TCF7L1: variants seen among roughly 807,000 people sequenced by gnomAD.
The protein encoded by TCF7L1 is transcription factor 7-like 1.
TCF7L1 carries 18 observed loss-of-function variants against 63.7 expected under a neutral mutation model. The ratio of observed to expected loss-of-function variants is 0.28; its 90% CI spans 0.20 to 0.42. The LOEUF (loss-of-function observed/expected upper bound fraction) is 0.42. Ranked by LOEUF, TCF7L1 falls within the 10% of genes least tolerant of loss-of-function variation. The pLI, the probability that TCF7L1 is intolerant of heterozygous loss-of-function variation, is 1.00. For synonymous variants in TCF7L1, 355 were observed against 340.9 expected, an observed-to-expected ratio of 1.04 and a Z score of -0.46; for missense variants, 654 against 779.3, an observed-to-expected ratio of 0.84 and a Z score of 1.91.
rs562471904 is a variant in TCF7L1, at chr2:85,136,960, T to C, written c.441+2510T>C. Among the ~76,000 whole-genome samples, 5 of 152,180 alleles carry C rather than the reference T, an allele frequency of 3.3e-5. No homozygotes were observed. In the South Asian group the frequency reaches 8.3e-4, roughly 25 times the overall value. On this transcript the variant is annotated intron_variant, in intron 3 of 11. Transcript: ENST00000282111. ...GTTTCCCAGCCTGGTAAAATGAATGTGGATAGATACGAGTGGGGAGGGAGG... is the reference window on the plus strand; with the variant it reads ...GTTTCCCAGCCTGGTAAAATGAATGCGGATAGATACGAGTGGGGAGGGAGG...
chr2:85,226,765 G>A (rs1409575654), intron 3 of TCF7L1, among the ~76,000 whole-genome samples: 3 of 150,922 alleles, frequency 2.0e-5, no homozygotes, highest in Non-Finnish European at 2.9e-5. Context: ...CTGGATCACT[G>A]CAGTAGTGCC....
intron 3 of TCF7L1, among the ~76,000 whole-genome samples, chr2:85,142,510 A>AC (rs1677769069): frequency 1.3e-5 from 2 of 150,632 alleles, no homozygotes; most frequent in Admixed American, 1.3e-4. Context: ...ACACACACAC[A>AC]ACACAGACAC....
intron 3 of TCF7L1, among the ~76,000 whole-genome samples, chr2:85,187,653 G>T (rs1485769880): frequency 6.6e-6 from 1 of 152,154 alleles, no homozygotes; most frequent in Admixed American, 6.5e-5. Context: ...TGGGCAATTT[G>T]TGTTCTCTAT....
chr2:85,273,499 A>C (rs904776958), intron 3 of TCF7L1, among the ~76,000 whole-genome samples: 1 of 152,206 alleles, frequency 6.6e-6, no homozygotes, highest in African/African-American at 2.4e-5. Context: ...GCAAAGTTTA[A>C]ACAGTTTGAT....
chr2:85,244,307 G>C (rs1248581868), intron 3 of TCF7L1, among the ~76,000 whole-genome samples: 1 of 152,198 alleles, frequency 6.6e-6, no homozygotes, highest in Admixed American at 6.5e-5. Context: ...AAGGTGACGT[G>C]ATCCAACCTT....
At position 85,292,133 on chromosome 2, in the gene TCF7L1, G is replaced by A. The variant is rs1183723656; in HGVS notation, c.525+8555G>A. Among the ~76,000 whole-genome samples the A allele has an allele frequency of 7.0e-5, 3 of 43,134 alleles. 1 individual carries two copies. The highest frequency in any genetic ancestry group is 9.7e-5 in the Non-Finnish European group (3 of 30,902). 28.3% of individuals were successfully genotyped at this position (43,134 alleles called of 152,430 possible). The stretch of plus-strand genomic sequence containing the variant: ...CCTCCCGGGTTCACGCCATTCTCCC[G>A]CCTCAGCCTCCCAAGTAGCTGGGAC... On this transcript the variant is annotated intron_variant, in intron 4 of 11. Transcript: ENST00000282111.
At chr2:85,288,041 A>C (rs1035112282) in intron 4 of TCF7L1, among the ~76,000 whole-genome samples, 1 of 152,190 alleles carries the variant, frequency 6.6e-6, no homozygotes, top group Non-Finnish European at 1.5e-5. Flanking sequence ...ATAAGTCCTC[A>C]ATAACTATTA....
At chr2:85,241,452 T>TTTG (rs1680328350) in intron 3 of TCF7L1, among the ~76,000 whole-genome samples, 1 of 143,292 alleles carries the variant, frequency 7.0e-6, no homozygotes, top group African/African-American at 2.6e-5. Flanking sequence ...TTTTTTTTTT[T>TTTG]TTTTTTTTTT....
intron 3 of TCF7L1, among the ~76,000 whole-genome samples, chr2:85,192,490 C>A (rs756143830): frequency 1.3e-5 from 2 of 152,038 alleles, no homozygotes; most frequent in Non-Finnish European, 2.9e-5. Context: ...CGGATTCAAG[C>A]GATTCTCATG....
intron 3 of TCF7L1, among the ~76,000 whole-genome samples, chr2:85,201,641 G>T (rs891775000): frequency 6.6e-6 from 1 of 152,112 alleles, no homozygotes. Flanking sequence ...GCTGGGTTGC[G>T]TGGTCACTTT....
chr2:85,176,260 C>T (rs1678675397), intron 3 of TCF7L1, among the ~76,000 whole-genome samples: 1 of 152,192 alleles, frequency 6.6e-6, no homozygotes, highest in Non-Finnish European at 1.5e-5. Flanking sequence ...GGCTTCAGTC[C>T]TCCGCTGACT....
intron 3 of TCF7L1, among the ~76,000 whole-genome samples, chr2:85,164,174 G>C (rs958207295): frequency 6.6e-6 from 1 of 152,126 alleles, no homozygotes; most frequent in East Asian, 1.9e-4. Flanking sequence ...GGAGCCCAGG[G>C]CTGGTTGCCT....
At chr2:85,200,991 G>A (rs1244482304) in intron 3 of TCF7L1, among the ~76,000 whole-genome samples, 2 of 152,056 alleles carry the variant, frequency 1.3e-5, no homozygotes, top group Admixed American at 6.6e-5. Context: ...ACCTGAGGTC[G>A]GGAGTTCAAG....
intron 3 of TCF7L1, among the ~76,000 whole-genome samples, chr2:85,172,475 G>A (rs1678568923): frequency 6.6e-6 from 1 of 152,212 alleles, no homozygotes; most frequent in South Asian, 2.1e-4. Context: ...CGCCCAGGCT[G>A]GAGTGCAGTG....
chr2:85,205,281 AG>A (rs1401028386), intron 3 of TCF7L1, among the ~76,000 whole-genome samples: 5 of 152,186 alleles, frequency 3.3e-5, no homozygotes, highest in African/African-American at 1.2e-4. Context: ...GCCCTCTTGC[AG>A]CATAATTTAC....
At chr2:85,211,802 A>G (rs552614128) in intron 3 of TCF7L1, among the ~76,000 whole-genome samples, 1 of 152,246 alleles carries the variant, frequency 6.6e-6, no homozygotes, top group African/African-American at 2.4e-5. Flanking sequence ...AAAAATCCAG[A>G]CTTTCGGCCA....
chr2:85,298,481 CAAAAAAAAAA>C (rs775849544), intron 4 of TCF7L1, among the ~76,000 whole-genome samples: 7 of 71,044 alleles, frequency 9.9e-5, no homozygotes, highest in African/African-American at 4.3e-4. Flanking sequence ...GACTCTGTCT[CAAAAAAAAAA>C]AAAAAAAAAA....
chr2:85,152,595 C>T (rs1029036461), intron 3 of TCF7L1, among the ~76,000 whole-genome samples: 5 of 151,890 alleles, frequency 3.3e-5, no homozygotes, highest in Admixed American at 6.6e-5. Flanking sequence ...CCACCATGCC[C>T]GGCTAATTTT....
At chr2:85,183,655 G>A (rs1393114396) in intron 3 of TCF7L1, among the ~76,000 whole-genome samples, 9 of 152,190 alleles carry the variant, frequency 5.9e-5, no homozygotes, top group Admixed American at 5.9e-4. Flanking sequence ...GAGTCAGCAA[G>A]TTTATGTCTG....
Sources: allele counts gnomAD v4.1 joint callset (sites outside exome capture counted in the v4.1 genomes callset), GRCh38; gene constraint gnomAD v4.1.1; transcripts MANE v1.5; gene names NCBI Gene and HGNC (gene_info 2026-07-23, HGNC 2026-07-21).